Variants in CTNND2 observed in about 807,000 individuals in gnomAD.
CTNND2 encodes the protein catenin delta 2.
A neutral mutation model predicts 144.4 loss-of-function variants in CTNND2; 22 were observed. The ratio of observed to expected loss-of-function variants is 0.15; its 90% CI spans 0.11 to 0.22. CTNND2 has a LOEUF of 0.22. CTNND2 is among the 10% of genes least tolerant of loss of function. The pLI is 1.00. For missense variants in CTNND2, 1,353 were observed against 1,618.8 expected (o/e 0.84, Z 2.82); for synonymous variants, 751 against 695.6 (o/e 1.08, Z -1.25).
At chr5:11,314,721 C>T (rs1256400494) in intron 9 of CTNND2, among the ~76,000 whole-genome samples, 3 of 152,172 alleles carry the variant, frequency 2.0e-5, no homozygotes, top group Admixed American at 6.5e-5. Context: ...ATTTGGCTAA[C>T]CATTTAAAAA....
chr5:11,495,508 T>A (rs1561475036), intron 3 of CTNND2, among the ~76,000 whole-genome samples: 2 of 152,096 alleles, frequency 1.3e-5, no homozygotes, highest in Non-Finnish European at 1.5e-5. Context: ...TCAAGTCAAC[T>A]GAGATTTAAT....
intron 9 of CTNND2, 42 bp from the exon 10 acceptor site, chr5:11,236,865 T>C: frequency 5.0e-6 from 8 of 1,609,822 alleles, no homozygotes; most frequent in Non-Finnish European, 6.8e-6. Context: ...GAGAGAGAAA[T>C]CCTACCACAC....
intron 16 of CTNND2, among the ~76,000 whole-genome samples, chr5:11,023,481 C>G (rs1638363): frequency 0.8 from 121,469 of 152,172 alleles, 49,103 homozygotes; most frequent in African/African-American, 0.93. Context: ...TTTTTAAAAA[C>G]AGTCAAAGCA....
intron 3 of CTNND2, among the ~76,000 whole-genome samples, chr5:11,521,128 T>C (rs1397716639): frequency 2.0e-5 from 3 of 152,240 alleles, no homozygotes. Context: ...AACATTCATA[T>C]CAAAGGGAAA....
intron 2 of CTNND2, among the ~76,000 whole-genome samples, chr5:11,665,071 T>C (rs1783482271): frequency 2.0e-5 from 3 of 152,166 alleles, no homozygotes; most frequent in African/African-American, 4.8e-5. Flanking sequence ...TGATGGTGAA[T>C]TGAAATTCAA....
At position 11,399,563 on chromosome 5, in the gene CTNND2, T is replaced by C. The variant is rs192697468; in HGVS notation, c.440-2360A>G. ...TCTGTACAGTATCTTCTAATGACAA[T>C]GTAAAGTCCCTTTTCAAAAGAATTT... is the stretch of plus-strand genomic sequence containing the variant. On this transcript the variant is annotated intron_variant, in intron 5 of 21. Coordinates refer to ENST00000304623, the MANE Select transcript of CTNND2 (RefSeq NM_001332.4). 2.0e-3 allele frequency among the ~76,000 whole-genome samples: 301 copies of C among 152,340 alleles called. 2 individuals carry two copies. The highest frequency in any genetic ancestry group is 6.9e-3 in the African/African-American group (289 of 41,590).
rs201623206 is a variant in CTNND2, at chr5:11,742,508, AC to A, written c.38-10237del. ...ATGTCTTCCATTTCTTTCAGAGAATACCCCCCTCCCTGTTCTTGATCCTATG... is the reference window on the plus strand; with the variant it reads ...ATGTCTTCCATTTCTTTCAGAGAATACCCCCTCCCTGTTCTTGATCCTATG... On this transcript the variant is annotated intron_variant, in intron 1 of 21. Coordinates refer to ENST00000304623, the MANE Select transcript of CTNND2 (RefSeq NM_001332.4). Among the ~76,000 whole-genome samples, 1,016 of 151,790 alleles carry A rather than the reference AC, an allele frequency of 6.7e-3. 14 individuals are homozygous for A. Among genetic ancestry groups the A allele is most frequent in the African/African-American group, 0.023 (948 of 41,380 alleles).
chr5:11,320,323 T>C (rs572182071), intron 9 of CTNND2, among the ~76,000 whole-genome samples: 1 of 152,162 alleles, frequency 6.6e-6, no homozygotes, highest in Admixed American at 6.6e-5. Flanking sequence ...GTTGCTTCAG[T>C]TTTTTTTCTC....
intron 6 of CTNND2, among the ~76,000 whole-genome samples, chr5:11,393,125 A>G (rs985850355): frequency 1.3e-5 from 2 of 152,244 alleles, no homozygotes; most frequent in Non-Finnish European, 2.9e-5. Flanking sequence ...ATTAATGAGG[A>G]CTTTTAAGAC....
intron 1 of CTNND2, among the ~76,000 whole-genome samples, chr5:11,821,452 C>T (rs1026607314): frequency 1.3e-5 from 2 of 152,030 alleles, no homozygotes; most frequent in Non-Finnish European, 2.9e-5. Flanking sequence ...ATTCTTTCAA[C>T]ATTTCTGTCG....
intron 12 of CTNND2, among the ~76,000 whole-genome samples, chr5:11,118,507 TAC>T (rs1753778536): frequency 1.3e-5 from 2 of 152,196 alleles, no homozygotes; most frequent in Non-Finnish European, 2.9e-5. Flanking sequence ...GTGTGTGCAG[TAC>T]AGACTGCTGG....
chr5:11,182,971 C>A (rs1055383911), intron 11 of CTNND2, among the ~76,000 whole-genome samples: 5 of 152,142 alleles, frequency 3.3e-5, no homozygotes, highest in African/African-American at 1.2e-4. Flanking sequence ...TAGAGATATT[C>A]CTTTCCATTC....
intron 11 of CTNND2, among the ~76,000 whole-genome samples, chr5:11,189,021 C>T (rs544607489): frequency 1.2e-4 from 18 of 152,260 alleles, no homozygotes; most frequent in Admixed American, 2.0e-4. Flanking sequence ...TTGTCCACTA[C>T]GACACAAGCG....
At chr5:11,633,095 T>C (rs868556376) in intron 2 of CTNND2, among the ~76,000 whole-genome samples, 8 of 152,292 alleles carry the variant, frequency 5.3e-5, no homozygotes, top group Middle Eastern at 3.4e-3. Flanking sequence ...TGAATAATAG[T>C]TGTAAACTTC....
chr5:11,662,176 T>TGC (rs1274150714), intron 2 of CTNND2, among the ~76,000 whole-genome samples: 4 of 145,924 alleles, frequency 2.7e-5, no homozygotes, highest in African/African-American at 7.5e-5. Context: ...TGTGTATATA[T>TGC]ACATATATGT....
chr5:11,785,233 T>G (rs1266737110), intron 1 of CTNND2, among the ~76,000 whole-genome samples: 3 of 152,206 alleles, frequency 2.0e-5, no homozygotes, highest in Non-Finnish European at 2.9e-5. Flanking sequence ...AGTGTTCACA[T>G]TTACCTAGAA....
In CTNND2 at chr5:11,808,858, T is replaced by C. The variant is rs547049781; in HGVS notation, c.38-76586A>G. Among the ~76,000 whole-genome samples, 60 of 152,276 alleles carry C rather than the reference T, an allele frequency of 3.9e-4. No homozygotes were observed. The South Asian group carries it at 8.1e-3, about 21-fold the overall frequency. On this transcript the variant is annotated intron_variant, in intron 1 of 21. Transcript: ENST00000304623. ...ATTGTATTTATTATCTGAAAAGATA[T>C]TGAAAGTGGAAATGAAAATATTGAC...
chr5:10,999,528 T>G (rs1001745297), intron 18 of CTNND2, among the ~76,000 whole-genome samples: 1 of 152,178 alleles, frequency 6.6e-6, no homozygotes, highest in Non-Finnish European at 1.5e-5. Context: ...GGAAGGGCCA[T>G]GAATCCTTCC....
intron 3 of CTNND2, among the ~76,000 whole-genome samples, chr5:11,540,514 TTTTG>T (rs201416440): frequency 5.3e-5 from 8 of 152,162 alleles, no homozygotes; most frequent in African/African-American, 9.7e-5. Context: ...TGCTGCAATC[TTTTG>T]TTTGTTTGTT....
Sources: allele counts gnomAD v4.1 joint callset (sites outside exome capture counted in the v4.1 genomes callset), GRCh38; gene constraint gnomAD v4.1.1; transcripts MANE v1.5; gene names NCBI Gene and HGNC (gene_info 2026-07-23, HGNC 2026-07-21).